Variants in TTLL11 observed in about 807,000 individuals in gnomAD.
TTLL11 encodes tubulin polyglutamylase TTLL11.
A neutral mutation model predicts 51.7 loss-of-function variants in TTLL11; 42 were observed. The observed-to-expected ratio is 0.81, with a 90% CI of 0.64 to 1.05. The LOEUF (loss-of-function observed/expected upper bound fraction) is 1.05. TTLL11 is among the 50% of genes least tolerant of loss of function. The pLI is 0.00. For missense variants in TTLL11, 799 were observed against 940.4 expected (o/e 0.85, Z 1.97); for synonymous variants, 381 against 383.5 (o/e 0.99, Z 0.08).
At chr9:121,932,553 T>A (rs1043955304) in intron 6 of TTLL11, among the ~76,000 whole-genome samples, 5 of 152,172 alleles carry the variant, frequency 3.3e-5, no homozygotes, top group Non-Finnish European at 7.3e-5. Context: ...TAGCAGCCAG[T>A]GGAAGCGCCA....
intron 8 of TTLL11, among the ~76,000 whole-genome samples, chr9:121,826,296 GTATATATATATATGGGTT>G (rs1426732027): frequency 2.9e-4 from 26 of 90,234 alleles, no homozygotes; most frequent in South Asian, 2.3e-3. Context: ...GTGTGTGGGT[GTATATATATATATGGGTT>G]TATATATATA....
At chr9:121,924,623 AG>A (rs1360957093) in intron 6 of TTLL11, among the ~76,000 whole-genome samples, 1 of 152,076 alleles carries the variant, frequency 6.6e-6, no homozygotes, top group Non-Finnish European at 1.5e-5. Flanking sequence ...AGAAGATGAC[AG>A]GTGGAGAGAC....
chr9:121,837,513 G>A (rs747897438), intron 8 of TTLL11, among the ~76,000 whole-genome samples: 1 of 152,090 alleles, frequency 6.6e-6, no homozygotes, highest in South Asian at 2.1e-4. Context: ...GGCCTGGAGC[G>A]GGTGGGGGTG....
At chr9:122,064,107 C>A (rs1211405455) in intron 1 of TTLL11, among the ~76,000 whole-genome samples, 1 of 152,114 alleles carries the variant, frequency 6.6e-6, no homozygotes, top group Non-Finnish European at 1.5e-5. Flanking sequence ...CTTTGAAATC[C>A]ATTCTGCCAT....
intron 1 of TTLL11, among the ~76,000 whole-genome samples, chr9:122,082,604 G>C (rs1846027499): frequency 6.6e-6 from 1 of 151,588 alleles, no homozygotes; most frequent in Non-Finnish European, 1.5e-5. Flanking sequence ...AATAAATTAT[G>C]GTATATAAAA....
At chr9:121,900,670 T>G (rs1222970417) in intron 6 of TTLL11, among the ~76,000 whole-genome samples, 1 of 152,222 alleles carries the variant, frequency 6.6e-6, no homozygotes, top group African/African-American at 2.4e-5. Flanking sequence ...TTCCATTGTG[T>G]TTCCCATCTC....
chr9:121,827,123 A>T (rs1416304607), intron 8 of TTLL11, among the ~76,000 whole-genome samples: 1 of 150,836 alleles, frequency 6.6e-6, no homozygotes, highest in Non-Finnish European at 1.5e-5. Flanking sequence ...ATTTCTAACC[A>T]TTTTTTTTTA....
Position 122,031,850 on chromosome 9 carries a change from G to T in TTLL11, c.566C>A (p.Thr189Lys). The change falls in exon 3 of 9, where the codon ACG becomes AAG. Residue 189 changes from threonine to lysine, a missense_variant. By Grantham distance (78) the Thr-to-Lys change is moderately conservative. This residue lies in a region of TTLL11 where 468 missense variants were observed against 612.8 expected (regional missense o/e 0.76). Transcript: ENST00000321582. ...CAGAGTAATTTTACGCACCATCTCC[G>T]TCATGCCTGGGGAGAAGAGACGCTG... ...SGQVNKFPGM[T>K]EMVRKITLSR... The T allele has an allele frequency of 6.2e-7, 1 of 1,612,800 alleles. No individual in the cohort carries two copies.
chr9:122,070,961 G>A (rs539090945), intron 1 of TTLL11, among the ~76,000 whole-genome samples: 2 of 152,254 alleles, frequency 1.3e-5, no homozygotes, highest in East Asian at 1.9e-4. Context: ...AGCAGGCACC[G>A]TGTGATCAGA....
intron 2 of TTLL11, among the ~76,000 whole-genome samples, chr9:122,036,393 T>C (rs1844702791): frequency 1.3e-5 from 2 of 151,880 alleles, no homozygotes; most frequent in Admixed American, 1.3e-4. Context: ...ATGGACAGTT[T>C]TGGACTTTCT....
At chr9:121,917,250 C>T (rs1336594488) in intron 6 of TTLL11, among the ~76,000 whole-genome samples, 1 of 151,790 alleles carries the variant, frequency 6.6e-6, no homozygotes, top group African/African-American at 2.4e-5. Context: ...AAGAGGATTG[C>T]TTGAGGCCAG....
intron 6 of TTLL11, among the ~76,000 whole-genome samples, chr9:121,913,894 A>C (rs1227568333): frequency 6.6e-6 from 1 of 152,208 alleles, no homozygotes; most frequent in African/African-American, 2.4e-5. Context: ...TTTCACACTC[A>C]GTGAAAACTA....
chr9:121,817,665 C>A lies in TTLL11; in HGVS notation c.*4922G>T, dbSNP rs1055492485. 1.3e-5 allele frequency: 2 copies of A among 152,290 alleles called. No homozygotes were observed. Among genetic ancestry groups the A allele is most frequent in the Admixed American group, 1.3e-4 (2 of 15,288 alleles). The allele number at this position is 152,290 out of a possible 1,614,324, so 9.4% of individuals were successfully genotyped here. A position where few individuals can be genotyped will look rare whatever the true frequency, so the allele number is the denominator to read the frequency against. ...AGCCTCTGCGGGACGTGGGTTTCCA[C>A]ACCTGCAAAATGGGATGTTTTGGGG... On this transcript the variant is annotated 3_prime_UTR_variant, in exon 9 of 9. Coordinates refer to ENST00000321582, the MANE Select transcript of TTLL11 (RefSeq NM_001139442.2).
At chr9:122,054,738 A>C (rs1845246881) in intron 1 of TTLL11, among the ~76,000 whole-genome samples, 2 of 152,198 alleles carry the variant, frequency 1.3e-5, no homozygotes, top group African/African-American at 4.8e-5. Flanking sequence ...CCAGTTCTCT[A>C]CTTCCTCACA....
chr9:121,844,296 AAAAAAAAACAAAAC>A (rs1837449375), intron 8 of TTLL11, among the ~76,000 whole-genome samples: 1 of 140,598 alleles, frequency 7.1e-6, no homozygotes, highest in Admixed American at 6.8e-5. Context: ...ATAGGGAGAG[AAAAAAAAACAAAAC>A]AAAAAAAACA....
chr9:122,086,773 A>G (rs1294413109), intron 1 of TTLL11, among the ~76,000 whole-genome samples: 2 of 152,258 alleles, frequency 1.3e-5, no homozygotes, highest in Non-Finnish European at 2.9e-5. Context: ...ACCAACTCCA[A>G]GGTCACTTGA....
chr9:121,899,378 C>CATATATATATATATATATATACATAT (rs1839670454), intron 6 of TTLL11, among the ~76,000 whole-genome samples: 3 of 130,452 alleles, frequency 2.3e-5, no homozygotes, highest in African/African-American at 8.7e-5. Flanking sequence ...TATATATATA[C>CATATATATATATATATATATACATAT]ATATATATAT....
In TTLL11 at chr9:122,015,165, GCTGTTTAAAAGGA is replaced by G; in HGVS notation, c.693+16545_693+16557del. ...AACACAGATGCCAGTCGTCATTTGGGCTGTTTAAAAGGACTTCCTGATGAACAGGACCTAAGTA... is the reference window on the plus strand; with the variant it reads ...AACACAGATGCCAGTCGTCATTTGGGCTTCCTGATGAACAGGACCTAAGTA... On this transcript the variant is annotated intron_variant, in intron 3 of 8. Coordinates refer to ENST00000321582, the MANE Select transcript of TTLL11 (RefSeq NM_001139442.2). Among the ~76,000 whole-genome samples, 2 of 152,260 alleles carry G rather than the reference GCTGTTTAAAAGGA, an allele frequency of 1.3e-5. 1 individual carries two copies. The highest frequency in any genetic ancestry group is 4.1e-4 in the South Asian group (2 of 4,828).
At chr9:122,008,884 A>G (rs1476680539) in intron 3 of TTLL11, among the ~76,000 whole-genome samples, 1 of 152,268 alleles carries the variant, frequency 6.6e-6, no homozygotes, top group Non-Finnish European at 1.5e-5. Flanking sequence ...AAATCCTGTC[A>G]TTTGCAACAA....
Sources: allele counts gnomAD v4.1 joint callset (sites outside exome capture counted in the v4.1 genomes callset), GRCh38; gene constraint gnomAD v4.1.1; regional missense constraint gnomAD v4.1.1; transcripts MANE v1.5; gene names NCBI Gene and HGNC (gene_info 2026-07-23, HGNC 2026-07-21).